TAF3: variants seen among roughly 807,000 people sequenced by gnomAD.
TAF3 encodes the protein TATA-box binding protein associated factor 3.
Under a neutral mutation model 80.6 loss-of-function variants are expected in TAF3, and 7 were observed. The observed-to-expected ratio is 0.09, with a 90% CI of 0.05 to 0.16. The LOEUF (loss-of-function observed/expected upper bound fraction) is 0.16, where lower values mean the gene tolerates loss of function less well. Ranked by LOEUF, TAF3 falls within the 10% of genes least tolerant of loss-of-function variation. The pLI, the probability that TAF3 is intolerant of heterozygous loss-of-function variation, is 1.00. For synonymous variants in TAF3, 444 were observed against 446.1 expected, an observed-to-expected ratio of 1.00 and a Z score of 0.06; for missense variants, 921 against 1,140.2, an observed-to-expected ratio of 0.81 and a Z score of 2.77.
chr10:7,894,657 A>C (rs554083889), intron 2 of TAF3, among the ~76,000 whole-genome samples: 1 of 152,362 alleles, frequency 6.6e-6, no homozygotes, highest in South Asian at 2.1e-4. Context: ...TATAAATGCC[A>C]AAATCATCTA....
Position 7,860,558 on chromosome 10 carries a change from G to A in TAF3, c.409+35998G>A, listed in dbSNP as rs191475738. On this transcript the variant is annotated intron_variant, in intron 2 of 6. Transcript: ENST00000344293. ...CTCATGTACTACTTGGTTGTCCAGA[G>A]GTGTAGTTCATATAGAAAAAAACAA... 5.0e-3 allele frequency among the ~76,000 whole-genome samples: 765 copies of A among 152,130 alleles called. 25 individuals are homozygous for A. Among genetic ancestry groups the A allele is most frequent in the Admixed American group, 0.044 (671 of 15,282 alleles).
chr10:7,881,860 A>G (rs1296018195), intron 2 of TAF3, among the ~76,000 whole-genome samples: 1 of 152,218 alleles, frequency 6.6e-6, no homozygotes, highest in African/African-American at 2.4e-5. Context: ...ATTAAAAAGA[A>G]AAGGATAACT....
chr10:7,980,178 A>T (rs979505019), intron 4 of TAF3, among the ~76,000 whole-genome samples: 1 of 152,172 alleles, frequency 6.6e-6, no homozygotes, highest in African/African-American at 2.4e-5. Context: ...GGGAGTTTGA[A>T]TAGTCCAGGG....
chr10:7,864,472 A>G (rs1398358823), intron 2 of TAF3, among the ~76,000 whole-genome samples: 1 of 152,238 alleles, frequency 6.6e-6, no homozygotes, highest in East Asian at 1.9e-4. Context: ...TTTTAAAAAA[A>G]TACTACAGTA....
At chr10:7,904,730 A>C (rs895023571) in intron 2 of TAF3, among the ~76,000 whole-genome samples, 1 of 152,190 alleles carries the variant, frequency 6.6e-6, no homozygotes, top group Non-Finnish European at 1.5e-5. Flanking sequence ...GTTGGCTTTC[A>C]TGATATTTAG....
chr10:7,982,460 G>A (rs1217659477), intron 4 of TAF3, among the ~76,000 whole-genome samples: 1 of 152,136 alleles, frequency 6.6e-6, no homozygotes, highest in Non-Finnish European at 1.5e-5. Context: ...GTGCAGTGGT[G>A]TGATCTCAGC....
chr10:7,905,405 C>G (rs1837598616), intron 2 of TAF3, among the ~76,000 whole-genome samples: 1 of 151,970 alleles, frequency 6.6e-6, no homozygotes, highest in Non-Finnish European at 1.5e-5. Context: ...TAGACAAAAC[C>G]TTTGTTTTCA....
At chr10:8,014,350 G>A (rs1031236747) in intron 6 of TAF3, among the ~76,000 whole-genome samples, 1 of 152,222 alleles carries the variant, frequency 6.6e-6, no homozygotes, top group African/African-American at 2.4e-5. Flanking sequence ...GTTCAGTTAT[G>A]ATAGACGATA....
intron 2 of TAF3, among the ~76,000 whole-genome samples, chr10:7,945,802 C>G (rs751169536): frequency 2.0e-5 from 3 of 152,206 alleles, no homozygotes; most frequent in Non-Finnish European, 2.9e-5. Context: ...CGCCCTTTTT[C>G]TCTCCACACA....
chr10:7,820,206 C>T (rs527925255), intron 1 of TAF3, among the ~76,000 whole-genome samples: 5 of 152,292 alleles, frequency 3.3e-5, no homozygotes, highest in Non-Finnish European at 7.4e-5. Flanking sequence ...ATCACTTGCT[C>T]TAGGGAACTC....
intron 4 of TAF3, among the ~76,000 whole-genome samples, chr10:7,989,800 T>G (rs1189136264): frequency 2.6e-5 from 4 of 152,160 alleles, no homozygotes; most frequent in Non-Finnish European, 5.9e-5. Context: ...TGATTGTTAG[T>G]TAGGTAAAAA....
intron 2 of TAF3, among the ~76,000 whole-genome samples, chr10:7,850,611 G>T (rs1052647024): frequency 2.6e-5 from 4 of 151,906 alleles, no homozygotes; most frequent in African/African-American, 9.7e-5. Context: ...AGGAGGCAGA[G>T]GTTGCAGTGA....
chr10:7,893,425 C>T (rs1837476793), intron 2 of TAF3, among the ~76,000 whole-genome samples: 1 of 152,128 alleles, frequency 6.6e-6, no homozygotes, highest in African/African-American at 2.4e-5. Flanking sequence ...CAGGGAGGAG[C>T]CATGCAATTT....
At position 7,960,024 on chromosome 10, in the gene TAF3, A is replaced by G. The variant is rs17143136; in HGVS notation, c.410-3896A>G. ...ACTGTTAGAGCTGAGCTATATCCAG[A>G]TTAGTCCCCAGAGTTAGAAGAGCAG... On this transcript the variant is annotated intron_variant, in intron 2 of 6. Transcript: ENST00000344293. Among the ~76,000 whole-genome samples the G allele has an allele frequency of 3.7e-3, 565 of 152,274 alleles. 2 individuals are homozygous for G. Among genetic ancestry groups the G allele is most frequent in the African/African-American group, 0.012 (509 of 41,552 alleles).
chr10:7,991,845 T>C (rs1239937620), intron 4 of TAF3, among the ~76,000 whole-genome samples: 1 of 152,208 alleles, frequency 6.6e-6, no homozygotes, highest in African/African-American at 2.4e-5. Flanking sequence ...CAAGCATGAC[T>C]TCAGTAATAA....
chr10:7,825,103 A>G lies in TAF3; in HGVS notation c.409+543A>G, dbSNP rs572053362. Among the ~76,000 whole-genome samples, 28 of 152,326 alleles carry G rather than the reference A, an allele frequency of 1.8e-4. No individual in the cohort carries two copies. In the South Asian group the frequency reaches 2.9e-3, roughly 16 times the overall value. Reference sequence around the variant, plus strand: ...CTAATCAGGTATAATGGTCAGTCCAATTGCAGAGTTCCCTTTTTTCCTGCA... The same window carrying G: ...CTAATCAGGTATAATGGTCAGTCCAGTTGCAGAGTTCCCTTTTTTCCTGCA... On this transcript the variant is annotated intron_variant, in intron 2 of 6. Coordinates refer to ENST00000344293, the MANE Select transcript of TAF3 (RefSeq NM_031923.4).
At chr10:7,899,790 G>C (rs567113767) in intron 2 of TAF3, among the ~76,000 whole-genome samples, 1 of 152,322 alleles carries the variant, frequency 6.6e-6, no homozygotes, top group Admixed American at 6.5e-5. Context: ...TCTATAGTAT[G>C]TTGTAAAAAT....
chr10:7,918,920 A>G lies in TAF3; in HGVS notation c.410-45000A>G, dbSNP rs1837737842. ...GAAGCAAAATGAAGAGCAAGGAGGC[A>G]CTCACCTCACCTCCGGACAGCTTGC... On this transcript the variant is annotated intron_variant, in intron 2 of 6. Coordinates refer to ENST00000344293, the MANE Select transcript of TAF3 (RefSeq NM_031923.4). Among the ~76,000 whole-genome samples the G allele has an allele frequency of 3.9e-5, 6 of 152,098 alleles. No homozygotes were observed. The South Asian group carries it at 1.2e-3, about 31-fold the overall frequency.
At chr10:8,004,601 T>C (rs1564381786) in intron 4 of TAF3, among the ~76,000 whole-genome samples, 1 of 152,212 alleles carries the variant, frequency 6.6e-6, no homozygotes, top group East Asian at 1.9e-4. Context: ...GAAGATGTTA[T>C]TCCACTATCT....
Sources: allele counts gnomAD v4.1 joint callset (sites outside exome capture counted in the v4.1 genomes callset), GRCh38; gene constraint gnomAD v4.1.1; transcripts MANE v1.5; gene names NCBI Gene and HGNC (gene_info 2026-07-23, HGNC 2026-07-21).